DLGAP2: variants seen among roughly 807,000 people sequenced by gnomAD.
DLGAP2 encodes the protein disks large-associated protein 2.
DLGAP2 carries 26 observed loss-of-function variants against 100.3 expected under a neutral mutation model. That is an observed-to-expected ratio of 0.26 (90% CI 0.19 to 0.36). The LOEUF is 0.36. Among genes scored for constraint, DLGAP2 ranks in the 10% least tolerant of loss-of-function variants. The probability of loss-of-function intolerance (pLI) is 1.00; values close to 1 mark genes in which losing one functional copy is unlikely to be tolerated. For synonymous variants in DLGAP2, 886 were observed against 630.1 expected, an observed-to-expected ratio of 1.41 and a Z score of -6.08; for missense variants, 1,858 against 1,453.2, an observed-to-expected ratio of 1.28 and a Z score of -4.53.
chr8:1,549,293 C>G lies in DLGAP2; in HGVS notation c.840C>G (p.Ser280Arg), dbSNP rs753316552. Residue 280 changes from serine (S) to arginine (R), a missense_variant, in exon 5 of 15, where the codon AGC becomes AGG. Coordinates refer to ENST00000637795, the MANE Select transcript of DLGAP2 (RefSeq NM_001346810.2). ...CCAAGCACAGCAAGAGGAGCAAGAG[C>G]AAGGAGCGCAAGCCGGAGGGCAAGC... ...HHAKHSKRSK[S>R]KERKPEGKPR... The G allele has an allele frequency of 3.5e-5, 57 of 1,612,162 alleles. No homozygotes were observed. Among genetic ancestry groups the G allele is most frequent in the Non-Finnish European group, 4.7e-5 (56 of 1,179,658 alleles).
chr8:1,701,092 G>A (rs1585078680), intron 14 of DLGAP2, 96 bp from the exon 15 acceptor site: 1 of 1,157,836 alleles, frequency 8.6e-7, no homozygotes. Flanking sequence ...GGCTGCGGTC[G>A]GGAAGGGTCA....
At chr8:1,236,184 C>T (rs1798648503) in intron 2 of DLGAP2, among the ~76,000 whole-genome samples, 1 of 115,782 alleles carries the variant, frequency 8.6e-6, no homozygotes, top group Non-Finnish European at 1.7e-5. Flanking sequence ...CTCTCTCACA[C>T]AGAGCATCGT....
intron 2 of DLGAP2, among the ~76,000 whole-genome samples, chr8:1,179,019 A>G (rs1358338966): frequency 2.6e-5 from 4 of 152,228 alleles, no homozygotes; most frequent in Admixed American, 2.0e-4. Context: ...CCCCTGCTGT[A>G]AAACTCCCAG....
intron 2 of DLGAP2, among the ~76,000 whole-genome samples, chr8:1,165,176 G>A (rs1796990106): frequency 6.6e-6 from 1 of 150,476 alleles, no homozygotes; most frequent in Non-Finnish European, 1.5e-5. Flanking sequence ...CAGAGAGAGA[G>A]GGAGGGTGGG....
chr8:1,113,662 C>T (rs1377588511), intron 2 of DLGAP2, among the ~76,000 whole-genome samples: 1 of 152,064 alleles, frequency 6.6e-6, no homozygotes, highest in Non-Finnish European at 1.5e-5. Flanking sequence ...CTTTGACTTC[C>T]TCTCTTTCTG....
chr8:1,413,877 G>T (rs1193176674), intron 3 of DLGAP2, among the ~76,000 whole-genome samples: 2 of 152,190 alleles, frequency 1.3e-5, no homozygotes, highest in Admixed American at 6.5e-5. Context: ...AATGTCAATG[G>T]CATACTTATT....
chr8:754,104 T>C (rs1820860575), intron 1 of DLGAP2: 1 of 152,206 alleles, frequency 6.6e-6, no homozygotes, highest in Non-Finnish European at 1.5e-5. Flanking sequence ...GAGTGAGTGG[T>C]ACAGCGTGGG....
chr8:771,834 G>C (rs147499912), intron 1 of DLGAP2, among the ~76,000 whole-genome samples: 220 of 152,376 alleles, frequency 1.4e-3, no homozygotes, highest in African/African-American at 4.8e-3. Flanking sequence ...GGAAAGGGCA[G>C]TGTGGAGCGT....
intron 2 of DLGAP2, among the ~76,000 whole-genome samples, chr8:963,984 G>A (rs771274610): frequency 1.3e-5 from 2 of 152,070 alleles, no homozygotes; most frequent in Non-Finnish European, 2.9e-5. Flanking sequence ...CAACTTAGTC[G>A]ACCCAAATGT....
intron 2 of DLGAP2, among the ~76,000 whole-genome samples, chr8:1,053,842 A>G (rs1303584554): frequency 6.6e-6 from 1 of 152,204 alleles, no homozygotes; most frequent in Non-Finnish European, 1.5e-5. Flanking sequence ...TTCCTAGCAG[A>G]ATGGATTCCT....
chr8:965,340 C>A lies in DLGAP2; in HGVS notation c.73+57374C>A, dbSNP rs566036856. 2.8e-4 allele frequency among the ~76,000 whole-genome samples: 28 copies of A among 99,530 alleles called. 1 individual carries two copies. Among genetic ancestry groups the A allele is most frequent in the Admixed American group, 7.2e-4 (6 of 8,326 alleles). 65.3% of individuals were successfully genotyped at this position (99,530 alleles called of 152,430 possible). A position where few individuals can be genotyped will look rare whatever the true frequency, so the allele number is the denominator to read the frequency against. On this transcript the variant is annotated intron_variant, in intron 2 of 14. Transcript: ENST00000637795. The stretch of plus-strand genomic sequence containing the variant: ...CCCCTGCGCTGCACACGGCACTGTT[C>A]ACCACACAGGGCTCCTGAGTCTGAC...
chr8:1,216,665 T>C (rs567141315), intron 2 of DLGAP2, among the ~76,000 whole-genome samples: 64 of 152,148 alleles, frequency 4.2e-4, no homozygotes, highest in Non-Finnish European at 8.5e-4. Flanking sequence ...CCAATAAGTA[T>C]TTATCTAGTT....
chr8:854,111 A>G (rs1350590057), intron 1 of DLGAP2, among the ~76,000 whole-genome samples: 2 of 152,050 alleles, frequency 1.3e-5, no homozygotes, highest in African/African-American at 4.8e-5. Flanking sequence ...ACCGTGGGAG[A>G]TGAATTCCCG....
At chr8:1,142,715 G>T (rs1796542791) in intron 2 of DLGAP2, among the ~76,000 whole-genome samples, 1 of 152,118 alleles carries the variant, frequency 6.6e-6, no homozygotes. Context: ...GGCTGCCATT[G>T]TCATCCCTGC....
In DLGAP2 at chr8:1,626,794, C is replaced by T. The variant is rs571027498; in HGVS notation, c.1497C>T (p.Pro499=). 55 of 1,603,548 alleles carry T rather than the reference C, an allele frequency of 3.4e-5. No individual in the cohort carries two copies. In the East Asian group the frequency reaches 3.6e-4, roughly 11 times the overall value. Residue 499 remains proline, a synonymous_variant, in exon 7 of 15, where the codon CCC becomes CCT. Coordinates refer to ENST00000637795, the MANE Select transcript of DLGAP2 (RefSeq NM_001346810.2). ...TGCCTGTGGGACACAGCCTGGACCC[C>T]GCTGCGAACTACAACTCCCCGAAAT... ...SDVPVGHSLD[P]AANYNSPKFR...
chr8:1,552,379 C>G (rs1369230065), intron 5 of DLGAP2, among the ~76,000 whole-genome samples: 1 of 152,222 alleles, frequency 6.6e-6, no homozygotes, highest in Non-Finnish European at 1.5e-5. Context: ...AGCTCGGTGA[C>G]TTCTCTCCCC....
chr8:1,260,136 A>G (rs936933825), intron 3 of DLGAP2, among the ~76,000 whole-genome samples: 2 of 152,176 alleles, frequency 1.3e-5, no homozygotes, highest in Non-Finnish European at 2.9e-5. Flanking sequence ...GGAAAGCCAC[A>G]GGTCCTTTCC....
At chr8:908,046 T>G (rs28496739) in intron 2 of DLGAP2, 80 bp downstream of exon 2, 5,043 of 398,286 alleles carry the variant, frequency 0.013, 48 homozygotes, top group Middle Eastern at 0.045. Flanking sequence ...TTACCTAATT[T>G]AGATATTTTG....
At chr8:1,456,930 T>G (rs1798333215) in intron 3 of DLGAP2, among the ~76,000 whole-genome samples, 1 of 151,924 alleles carries the variant, frequency 6.6e-6, no homozygotes, top group Non-Finnish European at 1.5e-5. Context: ...CCCCGAGCGG[T>G]CTCTCAGTGA....
Sources: gnomAD v4.1 joint callset for allele counts (sites outside exome capture counted in the v4.1 genomes callset) on GRCh38, gnomAD v4.1.1 for gene constraint, MANE v1.5 for transcripts, NCBI Gene and HGNC (gene_info 2026-07-23, HGNC 2026-07-21) for gene names.